The following EYS variants were observed in gnomAD, a reference collection of about 807,000 sequenced individuals.
EYS encodes protein eyes shut homolog.
In EYS, 250 loss-of-function variants were observed where a neutral mutation model predicts 282.1. The observed-to-expected ratio is 0.89, with a 90% CI of 0.80 to 0.98. The LOEUF (loss-of-function observed/expected upper bound fraction) is 0.98. Among genes scored for constraint, EYS ranks in the 50% least tolerant of loss-of-function variants. The pLI is 0.00. For missense variants in EYS, 4,016 were observed against 3,709.0 expected (o/e 1.08, Z -2.15); for synonymous variants, 1,355 against 1,282.9 (o/e 1.06, Z -1.20).
At chr6:64,457,126 T>A (rs1391651692) in intron 26 of EYS, among the ~76,000 whole-genome samples, 1 of 152,022 alleles carries the variant, frequency 6.6e-6, no homozygotes, top group East Asian at 1.9e-4. Context: ...ATTTATTAAC[T>A]CCTTAGTTGT....
intron 36 of EYS, among the ~76,000 whole-genome samples, chr6:63,850,345 T>C (rs575402924): frequency 1.1e-4 from 16 of 152,116 alleles, no homozygotes; most frequent in African/African-American, 3.9e-4. Context: ...AGATAGTCAT[T>C]GAGAAGAGCA....
chr6:64,617,973 A>G (rs1328677302), intron 23 of EYS, among the ~76,000 whole-genome samples: 1 of 152,182 alleles, frequency 6.6e-6, no homozygotes, highest in Non-Finnish European at 1.5e-5. Flanking sequence ...CTCTAGATAT[A>G]CAATGTTATT....
chr6:64,073,224 A>G (rs1337548833), intron 32 of EYS, among the ~76,000 whole-genome samples: 1 of 151,868 alleles, frequency 6.6e-6, no homozygotes, highest in Admixed American at 6.6e-5. Context: ...CATTAACAAC[A>G]ATTCGTGGTT....
intron 29 of EYS, among the ~76,000 whole-genome samples, chr6:64,341,387 T>C (rs1771105306): frequency 6.6e-6 from 1 of 151,826 alleles, no homozygotes; most frequent in Non-Finnish European, 1.5e-5. Flanking sequence ...AATCATGTCC[T>C]TTGCAGCAGC....
chr6:65,480,098 C>A (rs937854480), intron 5 of EYS, among the ~76,000 whole-genome samples: 8 of 151,558 alleles, frequency 5.3e-5, no homozygotes, highest in African/African-American at 1.9e-4. Context: ...CCAGGAGGCA[C>A]AGGTTGCAGT....
chr6:65,581,528 G>A (rs569556463), intron 2 of EYS, among the ~76,000 whole-genome samples: 1 of 152,158 alleles, frequency 6.6e-6, no homozygotes, highest in South Asian at 2.1e-4. Context: ...TCAATACTTG[G>A]TGTGCCAGTC....
intron 12 of EYS, among the ~76,000 whole-genome samples, chr6:65,178,675 A>T (rs938283915): frequency 6.6e-6 from 1 of 152,040 alleles, no homozygotes; most frequent in Non-Finnish European, 1.5e-5. Flanking sequence ...TAACAAGGAT[A>T]TCCAGGAATT....
intron 1 of EYS, among the ~76,000 whole-genome samples, chr6:65,691,192 C>T (rs1769228508): frequency 6.7e-6 from 1 of 150,252 alleles, no homozygotes; most frequent in African/African-American, 2.4e-5. Flanking sequence ...ATTTACACTG[C>T]CGCCAACAGT....
At chr6:64,046,919 C>T (rs1309981882) in intron 33 of EYS, among the ~76,000 whole-genome samples, 1 of 152,168 alleles carries the variant, frequency 6.6e-6, no homozygotes, top group Admixed American at 6.6e-5. Context: ...GTTAGCTTTA[C>T]ATTCTCTCTC....
chr6:64,274,481 G>GTTTTTTT lies in EYS; in HGVS notation c.6191+32482_6191+32488dup, dbSNP rs10640761. Among the ~76,000 whole-genome samples the GTTTTTTT allele has an allele frequency of 4.9e-4, 45 of 92,206 alleles. 1 individual carries two copies. Among genetic ancestry groups the GTTTTTTT allele is most frequent in the Non-Finnish European group, 6.2e-4 (32 of 52,022 alleles). The allele number at this position is 92,206 out of a possible 152,430, so 60.5% of individuals were successfully genotyped here. A position where few individuals can be genotyped will look rare whatever the true frequency, so the allele number is the denominator to read the frequency against. ...CAGGCGCGAGCCACCACGCCTGGCC[G>GTTTTTTT]TTTTTTTTTTTTTTTTTTTTTTACA... On this transcript the variant is annotated intron_variant, in intron 30 of 42. Coordinates refer to ENST00000503581, the MANE Select transcript of EYS (RefSeq NM_001142800.2).
intron 5 of EYS, among the ~76,000 whole-genome samples, chr6:65,475,744 G>GACAC (rs1219245539): frequency 2.7e-4 from 35 of 130,432 alleles, no homozygotes; most frequent in African/African-American, 9.9e-4. Context: ...CTGACAGACA[G>GACAC]ACAGACAGAC....
At chr6:65,487,433 A>C (rs878950567) in intron 5 of EYS, among the ~76,000 whole-genome samples, 2 of 152,142 alleles carry the variant, frequency 1.3e-5, no homozygotes, top group Non-Finnish European at 2.9e-5. Context: ...TGAGATAATC[A>C]TGTGCTTTTT....
intron 33 of EYS, among the ~76,000 whole-genome samples, chr6:64,059,642 A>G (rs766513530): frequency 1.9e-4 from 29 of 152,244 alleles, no homozygotes; most frequent in Non-Finnish European, 3.8e-4. Context: ...AATCCAAAAT[A>G]GTACTAAAAT....
intron 2 of EYS, among the ~76,000 whole-genome samples, chr6:65,588,342 A>C (rs1765124515): frequency 6.6e-6 from 1 of 152,066 alleles, no homozygotes; most frequent in East Asian, 1.9e-4. Flanking sequence ...GCTAACATAA[A>C]GAAAGAGATG....
chr6:63,794,783 T>C (rs1380808813), intron 37 of EYS, among the ~76,000 whole-genome samples: 1 of 152,188 alleles, frequency 6.6e-6, no homozygotes, highest in Non-Finnish European at 1.5e-5. Context: ...GCAATTGACA[T>C]GGTGAGAGTT....
Position 65,384,462 on chromosome 6 carries a change from G to A in EYS, c.1223C>T (p.Ala408Val). 1 of 1,607,590 alleles carries A rather than the reference G, an allele frequency of 6.2e-7. No individual in the cohort carries two copies. The highest frequency in any genetic ancestry group is 8.5e-7 in the Non-Finnish European group (1 of 1,176,104). Residue 408 changes from alanine to valine, a missense_variant, in exon 8 of 43, where the codon GCA becomes GTA. Transcript: ENST00000503581. The stretch of plus-strand genomic sequence containing the variant: ...GCTGAGCAGTTTACAGTGGTCAATT[G>A]CTTTCTCACAGTTTTTTTCAGTAAA... ...SGFTEKNCEK[A>V]IDHCKLLSIN...
At chr6:64,912,131 AT>A (rs1339121834) in intron 16 of EYS, among the ~76,000 whole-genome samples, 1 of 152,090 alleles carries the variant, frequency 6.6e-6, no homozygotes, top group African/African-American at 2.4e-5. Flanking sequence ...AATTATACCT[AT>A]GCCCATCTCT....
At chr6:64,734,462 T>G (rs2149955163) in intron 22 of EYS, among the ~76,000 whole-genome samples, 1 of 152,334 alleles carries the variant, frequency 6.6e-6, no homozygotes, top group East Asian at 1.9e-4. Context: ...TGTGATTTTT[T>G]CCACTGAAAA....
intron 13 of EYS, among the ~76,000 whole-genome samples, chr6:65,042,900 A>G (rs1211448498): frequency 1.3e-5 from 2 of 151,328 alleles, no homozygotes; most frequent in African/African-American, 2.4e-5. Context: ...AAAACTACAC[A>G]TTTGGCTAAC....
Sources: allele counts gnomAD v4.1 joint callset (sites outside exome capture counted in the v4.1 genomes callset), GRCh38; gene constraint gnomAD v4.1.1; transcripts MANE v1.5; gene names NCBI Gene and HGNC (gene_info 2026-07-23, HGNC 2026-07-21).